The following RYK variants were observed in gnomAD, a reference collection of about 807,000 sequenced individuals.
RYK encodes receptor like tyrosine kinase.
Under a neutral mutation model 70.2 loss-of-function variants are expected in RYK, and 21 were observed. The ratio of observed to expected loss-of-function variants is 0.30; its 90% CI spans 0.21 to 0.43. The LOEUF (loss-of-function observed/expected upper bound fraction) is 0.43. Among genes scored for constraint, RYK ranks in the 20% least tolerant of loss-of-function variants. The probability of loss-of-function intolerance (pLI) is 1.00; values close to 1 mark genes in which losing one functional copy is unlikely to be tolerated. For missense variants in RYK, 604 were observed against 753.3 expected (o/e 0.80, Z 2.32); for synonymous variants, 267 against 278.0 (o/e 0.96, Z 0.39).
At chr3:134,219,917 A>T (rs762618453) in intron 2 of RYK, among the ~76,000 whole-genome samples, 11 of 152,220 alleles carry the variant, frequency 7.2e-5, no homozygotes, top group Non-Finnish European at 1.6e-4. Flanking sequence ...AGATTTTTTT[A>T]AAAGATAGTT....
At chr3:134,244,697 T>C (rs2015409848) in intron 1 of RYK, among the ~76,000 whole-genome samples, 1 of 152,216 alleles carries the variant, frequency 6.6e-6, no homozygotes, top group Admixed American at 6.5e-5. Flanking sequence ...ATCAGGACCG[T>C]GTGCCCTACT....
At chr3:134,158,610 A>G (rs1254307664) in intron 14 of RYK, among the ~76,000 whole-genome samples, 1 of 152,250 alleles carries the variant, frequency 6.6e-6, no homozygotes, top group East Asian at 1.9e-4. Context: ...TCTAAGTTCT[A>G]TGAACCCTGG....
At chr3:134,178,248 C>A in intron 10 of RYK, 175 bp from the exon 11 acceptor site, 2 of 532,860 alleles carry the variant, frequency 3.8e-6, no homozygotes, top group Non-Finnish European at 6.4e-6. Context: ...TTAAGTGTCC[C>A]CTATATATGT....
chr3:134,242,659 A>C (rs1024623533), intron 1 of RYK, among the ~76,000 whole-genome samples: 3 of 152,236 alleles, frequency 2.0e-5, no homozygotes, highest in Admixed American at 2.0e-4. Context: ...CAAAACACCA[A>C]AAGTAATGCT....
At chr3:134,213,731 C>A (rs531954377) in intron 2 of RYK, among the ~76,000 whole-genome samples, 1 of 152,316 alleles carries the variant, frequency 6.6e-6, no homozygotes, top group African/African-American at 2.4e-5. Flanking sequence ...AGGGTCGGCA[C>A]TCTTTAGGAT....
intron 1 of RYK, among the ~76,000 whole-genome samples, chr3:134,239,055 T>C (rs1442150393): frequency 6.6e-6 from 1 of 152,038 alleles, no homozygotes; most frequent in Non-Finnish European, 1.5e-5. Flanking sequence ...ATGGGTGCAG[T>C]GATACAGGTC....
chr3:134,235,490 AT>A (rs2015178528), intron 1 of RYK, among the ~76,000 whole-genome samples: 1 of 152,140 alleles, frequency 6.6e-6, no homozygotes, highest in Non-Finnish European at 1.5e-5. Context: ...TTTTAAACAA[AT>A]TTACTTTTAG....
chr3:134,207,409 T>C (rs1181798227), intron 5 of RYK, 63 bp downstream of exon 5: 2 of 1,040,088 alleles, frequency 1.9e-6, no homozygotes, highest in Non-Finnish European at 2.8e-6. Context: ...TGCAATCATG[T>C]TTATATGCAG....
chr3:134,213,963 T>C (rs1009334073), intron 2 of RYK, among the ~76,000 whole-genome samples: 3 of 152,092 alleles, frequency 2.0e-5, no homozygotes, highest in Admixed American at 6.6e-5. Context: ...CACGCCACTA[T>C]GCCCAGCTAA....
chr3:134,187,848 C>T (rs7634394), intron 9 of RYK, among the ~76,000 whole-genome samples: 152,049 of 152,060 alleles, frequency 1, 76,019 homozygotes, highest in Middle Eastern at 1. Flanking sequence ...TTGTGAGCCA[C>T]TGCACCCAGC....
At chr3:134,164,368 T>C (rs962484783) in intron 13 of RYK, among the ~76,000 whole-genome samples, 3 of 152,280 alleles carry the variant, frequency 2.0e-5, no homozygotes, top group African/African-American at 7.2e-5. Flanking sequence ...AAGGAGCATA[T>C]CTATCACTTC....
chr3:134,220,163 C>T (rs2014693819), intron 2 of RYK, among the ~76,000 whole-genome samples: 1 of 152,162 alleles, frequency 6.6e-6, no homozygotes, highest in East Asian at 1.9e-4. Context: ...TACAAAATTA[C>T]TGGCCTGTAA....
intron 2 of RYK, among the ~76,000 whole-genome samples, chr3:134,219,781 C>T (rs185661800): frequency 1.1e-3 from 166 of 152,286 alleles, no homozygotes; most frequent in Admixed American, 7.3e-3. Context: ...GAATGGTTAT[C>T]CAGTGTAGGT....
intron 9 of RYK, among the ~76,000 whole-genome samples, chr3:134,184,985 A>AT (rs1301831024): frequency 7.2e-6 from 1 of 139,016 alleles, no homozygotes; most frequent in African/African-American, 2.7e-5. Context: ...AAAAAAAAAA[A>AT]TTAGCAGGGT....
At chr3:134,188,432 G>A (rs1441565944) in intron 9 of RYK, among the ~76,000 whole-genome samples, 2 of 152,108 alleles carry the variant, frequency 1.3e-5, no homozygotes, top group African/African-American at 4.8e-5. Context: ...AAAGTGCCGG[G>A]ATTACAGGCA....
intron 13 of RYK, among the ~76,000 whole-genome samples, chr3:134,174,671 A>G (rs949683644): frequency 6.6e-6 from 1 of 152,234 alleles, no homozygotes; most frequent in African/African-American, 2.4e-5. Context: ...AGGAAAATAA[A>G]TTACACTTAG....
At chr3:134,198,570 T>C (rs1192305186) in intron 6 of RYK, among the ~76,000 whole-genome samples, 1 of 152,228 alleles carries the variant, frequency 6.6e-6, no homozygotes, top group Non-Finnish European at 1.5e-5. Context: ...CCAGCACTTA[T>C]GCCAGTACCT....
chr3:134,218,797 C>A (rs1338782320), intron 2 of RYK, among the ~76,000 whole-genome samples: 2 of 152,138 alleles, frequency 1.3e-5, no homozygotes, highest in African/African-American at 2.4e-5. Flanking sequence ...AGTTAGAAGA[C>A]CACTTCCGAA....
intron 6 of RYK, among the ~76,000 whole-genome samples, chr3:134,196,935 G>GC (rs770109847): frequency 5.1e-4 from 78 of 152,106 alleles, no homozygotes; most frequent in Non-Finnish European, 9.4e-4. Context: ...CTAATGAAAT[G>GC]CCCCCCCAGC....
Sources: allele counts gnomAD v4.1 joint callset (sites outside exome capture counted in the v4.1 genomes callset), GRCh38; gene constraint gnomAD v4.1.1; transcripts MANE v1.5; gene names NCBI Gene and HGNC (gene_info 2026-07-23, HGNC 2026-07-21).